Variants in BRCA2 observed in about 807,000 individuals in gnomAD.
BRCA2 encodes the protein breast cancer type 2 susceptibility protein.
Under a neutral mutation model 276.7 loss-of-function variants are expected in BRCA2, and 203 were observed. The ratio of observed to expected loss-of-function variants is 0.73; its 90% CI spans 0.65 to 0.82. The LOEUF (loss-of-function observed/expected upper bound fraction) is 0.82, where lower values mean the gene tolerates loss of function less well. Among genes scored for constraint, BRCA2 ranks in the 40% least tolerant of loss-of-function variants. The pLI is 0.00. For missense variants in BRCA2, 3,920 were observed against 3,915.0 expected (o/e 1.00, Z -0.03); for synonymous variants, 1,289 against 1,338.4 (o/e 0.96, Z 0.81).
rs192049298 is a variant in BRCA2 at position 32,398,443 on chromosome 13, A to C, written c.9930A>C (p.Thr3310=). 1 of 1,614,194 alleles carries C rather than the reference A, an allele frequency of 6.2e-7. No homozygotes were observed. The highest frequency in any genetic ancestry group is 2.2e-5 in the East Asian group (1 of 44,890). Residue 3310 remains threonine, a synonymous_variant, in exon 27 of 27, where the codon ACA becomes ACC. Transcript: ENST00000380152. ...PPRSCGTKYE[T]PIKKKELNSP... ...GGAGTTGTGGCACCAAATACGAAAC[A>C]CCCATAAAGAAAAAAGAACTGAATT...
intron 9 of BRCA2, 73 bp downstream of exon 9, chr13:32,331,103 G>C (rs1399975083): frequency 2.9e-6 from 3 of 1,025,686 alleles, no homozygotes; most frequent in Non-Finnish European, 4.5e-6. Context: ...TTGAGGTGGA[G>C]TCTTGCTCTG....
At chr13:32,359,222 G>GAAAAA (rs67041705) in intron 16 of BRCA2, among the ~76,000 whole-genome samples, 1,081 of 105,506 alleles carry the variant, frequency 0.01, no homozygotes, top group Non-Finnish European at 0.012. Flanking sequence ...TCCATCTCAA[G>GAAAAA]AAAAAAAAAA....
rs587780865 is a variant in BRCA2 at position 32,316,546 on chromosome 13, T to C, written c.67+19T>C. ...AAAGCAGGTATTGACAAATTTTATA[T>C]AACTTTATAAATTACACCGAGAAAG... On this transcript the variant is annotated intron_variant, in intron 2 of 26. Coordinates refer to ENST00000380152, the MANE Select transcript of BRCA2 (RefSeq NM_000059.4). The C allele has an allele frequency of 5.6e-6, 9 of 1,598,360 alleles. No individual in the cohort carries two copies. The highest frequency in any genetic ancestry group is 2.7e-5 in the African/African-American group (2 of 74,422).
At chr13:32,358,064 T>C (rs1412790040) in intron 16 of BRCA2, 135 bp downstream of exon 16, 3 of 887,242 alleles carry the variant, frequency 3.4e-6, no homozygotes, top group Non-Finnish European at 3.5e-6. Flanking sequence ...AAGTGCATTA[T>C]GGTTAAGCAT....
chr13:32,345,511 G>A (rs1159198370), intron 12 of BRCA2, among the ~76,000 whole-genome samples: 2 of 151,936 alleles, frequency 1.3e-5, no homozygotes, highest in African/African-American at 2.4e-5. Context: ...TACAATATCA[G>A]TATTAACTAC....
intron 24 of BRCA2, among the ~76,000 whole-genome samples, chr13:32,388,762 C>T (rs769005828): frequency 6.0e-5 from 9 of 149,706 alleles, no homozygotes; most frequent in African/African-American, 9.8e-5. Flanking sequence ...ATATCTGTTT[C>T]GATCCTTTTG....
chr13:32,327,316 C>T (rs770023950), intron 7 of BRCA2, among the ~76,000 whole-genome samples: 2 of 152,082 alleles, frequency 1.3e-5, no homozygotes, highest in African/African-American at 4.8e-5. Flanking sequence ...GGTGTGGTAA[C>T]ACACACCTGT....
intron 3 of BRCA2, among the ~76,000 whole-genome samples, chr13:32,320,263 T>C (rs907670475): frequency 1.3e-5 from 2 of 152,218 alleles, no homozygotes; most frequent in African/African-American, 2.4e-5. Flanking sequence ...AATTTCATCA[T>C]GCTACTTATT....
rs2073040254 is a variant in BRCA2 at position 32,396,923 on chromosome 13, C to T, written c.9527C>T (p.Ala3176Val). The T allele has an allele frequency of 6.2e-7, 1 of 1,614,044 alleles. No homozygotes were observed. The highest frequency in any genetic ancestry group is 8.5e-7 in the Non-Finnish European group (1 of 1,179,972). The change falls in exon 26 of 27, where the codon GCA (alanine) becomes GTA (valine). Residue 3176 changes from alanine (A) to valine (V), a missense_variant. By Grantham distance (64) the Ala-to-Val change is moderately conservative (BLOSUM62 0). This residue lies in a region of BRCA2 where 657 missense variants were observed against 758.2 expected (regional missense o/e 0.87). Coordinates refer to ENST00000380152, the MANE Select transcript of BRCA2 (RefSeq NM_000059.4). ...AATATTGACATACTTTGCAATGAAG[C>T]AGAAAACAAGCTTATGCATATACTG... ...VENIDILCNE[A>V]ENKLMHILHA... is the part of the protein sequence containing the mutation.
intron 24 of BRCA2, among the ~76,000 whole-genome samples, chr13:32,381,482 G>A (rs2072924048): frequency 6.6e-6 from 1 of 152,158 alleles, no homozygotes; most frequent in Non-Finnish European, 1.5e-5. Flanking sequence ...GGAATTGAGG[G>A]AGTGAGGTGA....
Position 32,357,333 on chromosome 13 carries a change from G to A in BRCA2, c.7618-409G>A, listed in dbSNP as rs1239702141. On this transcript the variant is annotated intron_variant, in intron 15 of 26. Coordinates refer to ENST00000380152, the MANE Select transcript of BRCA2 (RefSeq NM_000059.4). ...GTTAGATATCCTGGGGTGAAAGCAA[G>A]CACTTTGAAAGTAAGCCAAGCCTGT... Among the ~76,000 whole-genome samples the A allele has an allele frequency of 2.6e-5, 4 of 152,196 alleles. No individual in the cohort carries two copies. In the East Asian group the frequency reaches 7.7e-4, roughly 29 times the overall value.
In BRCA2 at chr13:32,339,497, T is replaced by C. The variant is rs2072521352; in HGVS notation, c.5142T>C (p.Tyr1714=). 6.3e-7 allele frequency: 1 copy of C among 1,583,462 alleles called. No individual in the cohort carries two copies. Among genetic ancestry groups the C allele is most frequent in the Non-Finnish European group, 8.6e-7 (1 of 1,167,306 alleles). The change falls in exon 11 of 27, where the codon TAT becomes TAC. Residue 1714 remains tyrosine (Y), a synonymous_variant. Coordinates refer to ENST00000380152, the MANE Select transcript of BRCA2 (RefSeq NM_000059.4). ...ATACTGCAGATTATGTAGGAAATTA[T>C]TTGTATGAAAATAATTCAAACAGTA... ...RINTADYVGN[Y]LYENNSNSTI...
At chr13:32,397,144 CTTAA>C in intron 26 of BRCA2, 100 bp downstream of exon 26, 1 of 1,329,932 alleles carries the variant, frequency 7.5e-7, no homozygotes, top group East Asian at 2.3e-5. Flanking sequence ...TGTAATTAAA[CTTAA>C]TTAGAAAATG....
chr13:32,380,596 A>T (rs578065448), intron 24 of BRCA2, among the ~76,000 whole-genome samples: 1 of 132,684 alleles, frequency 7.5e-6, no homozygotes, highest in East Asian at 2.2e-4. Flanking sequence ...GCTGGAGTGC[A>T]GTGGCGCTAT....
chr13:32,356,433 A>T lies in BRCA2; in HGVS notation c.7441A>T (p.Ile2481Phe), dbSNP rs751576331. 1 of 1,613,176 alleles carries T rather than the reference A, an allele frequency of 6.2e-7. No individual in the cohort carries two copies. The highest frequency in any genetic ancestry group is 8.5e-7 in the Non-Finnish European group (1 of 1,179,138). Reference sequence around the variant, plus strand: ...AAGTATTTATTCTTTGATAGATTTAATTACAAGTCTTCAGAATGCCAGAGA... The same window carrying T: ...AAGTATTTATTCTTTGATAGATTTATTTACAAGTCTTCAGAATGCCAGAGA... ...TKCEEEPLDL[I>F]TSLQNARDIQ... Residue 2481 changes from isoleucine to phenylalanine, a missense_variant, in exon 15 of 27, where the codon ATT (isoleucine) becomes TTT (phenylalanine). Transcript: ENST00000380152.
At position 32,366,753 on chromosome 13, in the gene BRCA2, T is replaced by C. The variant is rs529054584; in HGVS notation, c.8331+3220T>C. Among the ~76,000 whole-genome samples the C allele has an allele frequency of 2.0e-5, 3 of 150,442 alleles. No homozygotes were observed. In the South Asian group the frequency reaches 6.3e-4, roughly 31 times the overall value. ...GGGAGAATCACTTGAACCTGGGACG[T>C]AGAGGTTGCAGTGAGCCAAGGTCGC... is the stretch of plus-strand genomic sequence containing the variant. On this transcript the variant is annotated intron_variant, in intron 18 of 26. Transcript: ENST00000380152.
rs2137467420 is a variant in BRCA2 at position 32,332,554 on chromosome 13, A to T, written c.1076A>T (p.Glu359Val). 1 of 1,612,714 alleles carries T rather than the reference A, an allele frequency of 6.2e-7. No homozygotes were observed. Among genetic ancestry groups the T allele is most frequent in the East Asian group, 2.2e-5 (1 of 44,874 alleles). ...AAATACTCATTTGTATCTGAAGTGG[A>T]ACCAAATGATACTGATCCATTAGAT... Reference protein sequence around the residue: ...KEKYSFVSEVEPNDTDPLDSN... With the variant: ...KEKYSFVSEVVPNDTDPLDSN... Residue 359 changes from glutamate to valine, a missense_variant, in exon 10 of 27, where the codon GAA becomes GTA. Glu to Val is a moderately radical substitution (Grantham distance 121, BLOSUM62 -2). Transcript: ENST00000380152.
chr13:32,356,594 G>T lies in BRCA2; in HGVS notation c.7602G>T (p.Ala2534=), dbSNP rs81002826. The T allele has an allele frequency of 3.7e-6, 6 of 1,614,114 alleles. No individual in the cohort carries two copies. Among genetic ancestry groups the T allele is most frequent in the Non-Finnish European group, 5.1e-6 (6 of 1,180,008 alleles). ...KAAVGGQVPS[A]CSHKQLYTYG... ...CAGTAGGAGGCCAAGTTCCCTCTGCGTGTTCTCATAAACAGGTATGTGTTT... is the reference window on the plus strand; with the variant it reads ...CAGTAGGAGGCCAAGTTCCCTCTGCTTGTTCTCATAAACAGGTATGTGTTT... The change falls in exon 15 of 27, where the codon GCG becomes GCT. Residue 2534 remains alanine (A), a synonymous_variant. Coordinates refer to ENST00000380152, the MANE Select transcript of BRCA2 (RefSeq NM_000059.4).
intron 18 of BRCA2, among the ~76,000 whole-genome samples, chr13:32,367,258 A>G (rs1276722249): frequency 6.6e-6 from 1 of 152,068 alleles, no homozygotes; most frequent in East Asian, 1.9e-4. Context: ...AACATGGTGA[A>G]ACCCCTTCTC....
Sources: gnomAD v4.1 joint callset for allele counts (sites outside exome capture counted in the v4.1 genomes callset) on GRCh38, gnomAD v4.1.1 for gene constraint, gnomAD v4.1.1 regional missense constraint, MANE v1.5 for transcripts, NCBI Gene and HGNC (gene_info 2026-07-23, HGNC 2026-07-21) for gene names.